The following IRF6 variants were observed in gnomAD, a reference collection of about 807,000 sequenced individuals.
The protein encoded by IRF6 is Van der Woude syndrome.
Under a neutral mutation model 51.4 loss-of-function variants are expected in IRF6, and 6 were observed. That is an observed-to-expected ratio of 0.12 (90% CI 0.06 to 0.23). The LOEUF (loss-of-function observed/expected upper bound fraction) is 0.23, where lower values mean the gene tolerates loss of function less well. Among genes scored for constraint, IRF6 ranks in the 10% least tolerant of loss-of-function variants. The pLI, the probability that IRF6 is intolerant of heterozygous loss-of-function variation, is 1.00. For missense variants in IRF6, 348 were observed against 585.2 expected, an observed-to-expected ratio of 0.59 and a Z score of 4.18; for synonymous variants, 178 against 215.7, an observed-to-expected ratio of 0.83 and a Z score of 1.53.
chr1:209,797,072 A>G (rs2102543616), intron 3 of IRF6, among the ~76,000 whole-genome samples: 1 of 152,312 alleles, frequency 6.6e-6, no homozygotes, highest in Admixed American at 6.5e-5. Flanking sequence ...TCAATCTAAT[A>G]CATAAATAAA....
At position 209,796,439 on chromosome 1, in the gene IRF6, C is replaced by T. The variant is rs779234287; in HGVS notation, c.288G>A (p.Met96Ile). 6 of 1,614,178 alleles carry T rather than the reference C, an allele frequency of 3.7e-6. No individual in the cohort carries two copies. Among genetic ancestry groups the T allele is most frequent in the Non-Finnish European group, 5.1e-6 (6 of 1,180,026 alleles). Residue 96 changes from methionine (M) to isoleucine (I), a missense_variant, in exon 4 of 9, where the codon ATG becomes ATA. Physicochemically the swap from Met to Ile is conservative, Grantham distance 10. Coordinates refer to ENST00000367021, the MANE Select transcript of IRF6 (RefSeq NM_006147.4). The surrounding 1 kb of genome is among the most constrained non-coding windows in gnomAD (Gnocchi z 4.5). The stretch of plus-strand genomic sequence containing the variant: ...TGGGCACCTCCTTGGTGCCATCATA[C>T]ATCAGGTTGAATTCTCTGCTCTTAT... ...ALNKSREFNL[M>I]YDGTKEVPMN...
intron 3 of IRF6, among the ~76,000 whole-genome samples, chr1:209,798,941 A>G (rs1209941523): frequency 2.0e-5 from 3 of 151,024 alleles, no homozygotes; most frequent in Admixed American, 2.0e-4. Context: ...AGAATCAAGA[A>G]AGGAGAGCCT....
At chr1:209,798,447 G>C (rs547815872) in intron 3 of IRF6, among the ~76,000 whole-genome samples, 7 of 152,302 alleles carry the variant, frequency 4.6e-5, no homozygotes, top group South Asian at 2.1e-4. Flanking sequence ...GCACATTTCT[G>C]TGGTTCCCTA....
intron 6 of IRF6, chr1:209,791,131 C>T (rs558002904): frequency 1.2e-5 from 10 of 815,734 alleles, no homozygotes; most frequent in Non-Finnish European, 1.5e-5. Context: ...ATCACCACAC[C>T]CCAAAGGCTA....
In IRF6 at chr1:209,806,024, C is replaced by T. The variant is rs181565623; in HGVS notation, c.-153G>A. ...GCGAAGATCACCCGTCGCTACCACG[C>T]TCCTCGACGTCTTAGCCAAGGGGCG... On this transcript the variant is annotated 5_prime_UTR_variant, in exon 1 of 9. Transcript: ENST00000367021. 6.6e-6 allele frequency: 1 copy of T among 152,530 alleles called. No homozygotes were observed. The highest frequency in any genetic ancestry group is 1.5e-5 in the Non-Finnish European group (1 of 68,140). The allele number at this position is 152,530 out of a possible 1,614,324, so 9.4% of individuals were successfully genotyped here.
rs1034883160 is a variant in IRF6 at position 209,788,143 on chromosome 1, C to T, written c.*277G>A. The T allele has an allele frequency of 2.2e-6, 1 of 463,426 alleles. No individual in the cohort carries two copies. The highest frequency in any genetic ancestry group is 2.0e-5 in the African/African-American group (1 of 50,948). The allele number at this position is 463,426 out of a possible 1,614,324, so 28.7% of individuals were successfully genotyped here. On this transcript the variant is annotated 3_prime_UTR_variant, in exon 9 of 9. Transcript: ENST00000367021. ...GTTCAAGGTCACATTGGAAGCAAAG[C>T]TGCAGCTAGAACTTTGGTGTCCAAA...
chr1:209,798,247 A>G (rs1019493580), intron 3 of IRF6, among the ~76,000 whole-genome samples: 1 of 152,176 alleles, frequency 6.6e-6, no homozygotes, highest in Non-Finnish European at 1.5e-5. Flanking sequence ...GCTCCATTCT[A>G]TCCAACCCCC....
At chr1:209,803,352 A>G (rs917250287) in intron 1 of IRF6, among the ~76,000 whole-genome samples, 3 of 152,248 alleles carry the variant, frequency 2.0e-5, no homozygotes, top group African/African-American at 7.2e-5. Flanking sequence ...CCTGTCAGAC[A>G]TTAAAATCCA....
chr1:209,794,875 G>A (rs2077891262), intron 5 of IRF6, among the ~76,000 whole-genome samples: 1 of 152,234 alleles, frequency 6.6e-6, no homozygotes, highest in African/African-American at 2.4e-5. Flanking sequence ...AGCCTAGGCA[G>A]AGTAGTCCTT....
In IRF6 at chr1:209,790,891, C is replaced by A. The variant is rs376679285; in HGVS notation, c.668-4G>T. On this transcript the variant is annotated splice_region_variant and splice_polypyrimidine_tract_variant and intron_variant, in intron 6 of 8. Transcript: ENST00000367021. The surrounding 1 kb of genome is among the most constrained non-coding windows in gnomAD (Gnocchi z 4.8). ...AACTTGATGTCCAGGTCAGTCACTG[C>A]AAGGTTAGAGATGACAGTGAGAGTC... is the stretch of plus-strand genomic sequence containing the variant. 2.3e-4 allele frequency: 373 copies of A among 1,612,244 alleles called. No homozygotes were observed. Among genetic ancestry groups the A allele is most frequent in the Middle Eastern group, 4.3e-4 (2 of 4,608 alleles).
In IRF6 at chr1:209,792,381, G is replaced by A; in HGVS notation, c.555C>T (p.Asn185=). 6.2e-7 allele frequency: 1 copy of A among 1,614,234 alleles called. No homozygotes were observed. The highest frequency in any genetic ancestry group is 8.5e-7 in the Non-Finnish European group (1 of 1,180,042). ...TGGGCCACACTGCCTCCGGGCTGCA[G>A]TTGCCCACACTGCAATTGCCCACAC... ...PASVGNCSVG[N]CSPEAVWPKT... Residue 185 remains asparagine (N), a synonymous_variant, in exon 6 of 9, where the codon AAC becomes AAT. Transcript: ENST00000367021.
chr1:209,793,896 A>G (rs1246193789), intron 5 of IRF6, among the ~76,000 whole-genome samples: 1 of 152,202 alleles, frequency 6.6e-6, no homozygotes, highest in African/African-American at 2.4e-5. Flanking sequence ...TGCAAAAGAC[A>G]TGATCTTACT....
chr1:209,805,186 T>C (rs1269021481), intron 1 of IRF6, among the ~76,000 whole-genome samples: 1 of 152,084 alleles, frequency 6.6e-6, no homozygotes, highest in Non-Finnish European at 1.5e-5. Context: ...CCATCTCTTT[T>C]CCCTGACTTC....
chr1:209,789,985 A>G (rs2077859436), intron 7 of IRF6, among the ~76,000 whole-genome samples, 200 bp from the exon 8 acceptor site: 1 of 152,246 alleles, frequency 6.6e-6, no homozygotes, highest in Admixed American at 6.5e-5. Flanking sequence ...ACCATACTGA[A>G]TAGCACAAAT....
chr1:209,792,202 A>G, intron 6 of IRF6, 67 bp downstream of exon 6: 1 of 1,515,942 alleles, frequency 6.6e-7, no homozygotes, highest in East Asian at 2.3e-5. Context: ...TGAAGTTAGA[A>G]AGCAGGACAG....
At chr1:209,793,819 T>C (rs977262658) in intron 5 of IRF6, among the ~76,000 whole-genome samples, 2 of 152,184 alleles carry the variant, frequency 1.3e-5, no homozygotes, top group African/African-American at 2.4e-5. Flanking sequence ...GAACACGTAG[T>C]ATTTGGTTTT....
chr1:209,803,765 C>T (rs1441192784), intron 1 of IRF6, among the ~76,000 whole-genome samples: 1 of 152,170 alleles, frequency 6.6e-6, no homozygotes, highest in African/African-American at 2.4e-5. Flanking sequence ...AAGACAGAAA[C>T]ATTCATTACG....
rs1175045287 is a variant in IRF6, at chr1:209,789,804, C to G, written c.1061-19G>C. 1.3e-6 allele frequency: 2 copies of G among 1,560,024 alleles called. No individual in the cohort carries two copies. Among genetic ancestry groups the G allele is most frequent in the Non-Finnish European group, 1.8e-6 (2 of 1,131,996 alleles). On this transcript the variant is annotated intron_variant, in intron 7 of 8. Transcript: ENST00000367021. ...ATGAGATCTGCAGAAAGTGGAAGAG[C>G]AAGTTTGGTATACTGGGTCATTCCA...
intron 1 of IRF6, among the ~76,000 whole-genome samples, chr1:209,803,922 T>C (rs780696200): frequency 2.6e-5 from 4 of 152,248 alleles, no homozygotes; most frequent in Non-Finnish European, 5.9e-5. Flanking sequence ...CTCCATCTTG[T>C]AACACAGCAT....
Sources: gnomAD v4.1 joint callset for allele counts (sites outside exome capture counted in the v4.1 genomes callset) on GRCh38, gnomAD v4.1.1 for gene constraint, Gnocchi (gnomAD v3.1) non-coding constraint, MANE v1.5 for transcripts, NCBI Gene and HGNC (gene_info 2026-07-23, HGNC 2026-07-21) for gene names.